The following TCERG1L variants were observed in gnomAD, a reference collection of about 807,000 sequenced individuals.
TCERG1L encodes the protein transcription elongation regulator 1-like protein.
Under a neutral mutation model 56.3 loss-of-function variants are expected in TCERG1L, and 37 were observed. The ratio of observed to expected loss-of-function variants is 0.66; its 90% CI spans 0.51 to 0.87. The LOEUF (loss-of-function observed/expected upper bound fraction) is 0.87, where lower values mean the gene tolerates loss of function less well. Ranked by LOEUF, TCERG1L falls within the 40% of genes least tolerant of loss-of-function variation. The pLI is 0.00. For missense variants in TCERG1L, 799 were observed against 774.2 expected, an observed-to-expected ratio of 1.03 and a Z score of -0.38; for synonymous variants, 324 against 326.3, an observed-to-expected ratio of 0.99 and a Z score of 0.08.
In TCERG1L at chr10:131,111,560, T is replaced by C. The variant is rs1454328903; in HGVS notation, c.1395+5239A>G. On this transcript the variant is annotated intron_variant, in intron 9 of 11. Transcript: ENST00000368642. ...TTAGAGGTGATTTTTCCTTCTGGCT[T>C]TTATGAGTGCAAACGTCCTAAGGAA... Among the ~76,000 whole-genome samples the C allele has an allele frequency of 2.4e-4, 35 of 142,950 alleles. 8 individuals carry two copies. In the East Asian group the frequency reaches 8.2e-3, roughly 34 times the overall value. The allele number at this position is 142,950 out of a possible 152,430, so 93.8% of individuals were successfully genotyped here.
At chr10:131,139,952 C>T (rs548915780) in intron 7 of TCERG1L, among the ~76,000 whole-genome samples, 2 of 152,202 alleles carry the variant, frequency 1.3e-5, no homozygotes, top group African/African-American at 4.8e-5. Context: ...AGTAAAAGTC[C>T]TGAGTCTCTG....
intron 4 of TCERG1L, among the ~76,000 whole-genome samples, chr10:131,245,535 G>A (rs1185229358): frequency 3.9e-5 from 6 of 152,118 alleles, no homozygotes; most frequent in Admixed American, 2.0e-4. Context: ...ACGAGGGGGC[G>A]GCTCTCCGGG....
At chr10:131,292,852 T>C (rs1846645538) in intron 3 of TCERG1L, among the ~76,000 whole-genome samples, 1 of 147,544 alleles carries the variant, frequency 6.8e-6, no homozygotes, top group Non-Finnish European at 1.5e-5. Flanking sequence ...AATTTATTTC[T>C]GGGATTTTTT....
intron 4 of TCERG1L, among the ~76,000 whole-genome samples, chr10:131,169,655 A>C (rs1846068133): frequency 6.6e-6 from 1 of 152,206 alleles, no homozygotes; most frequent in Non-Finnish European, 1.5e-5. Flanking sequence ...TCGTGCACGG[A>C]AAGCTGAGGT....
At chr10:131,218,612 G>A (rs1845699113) in intron 4 of TCERG1L, among the ~76,000 whole-genome samples, 1 of 152,210 alleles carries the variant, frequency 6.6e-6, no homozygotes, top group Non-Finnish European at 1.5e-5. Flanking sequence ...TCCTGCCTCA[G>A]CCTGCTGAGT....
At position 131,187,354 on chromosome 10, in the gene TCERG1L, C is replaced by T. The variant is rs572003987; in HGVS notation, c.857-20469G>A. On this transcript the variant is annotated intron_variant, in intron 4 of 11. Transcript: ENST00000368642. ...GAGACCAAGCTAATCCAAGGCCCAGCCATTGCAGAGAGCTGAGAAGTTTGC... is the reference window on the plus strand; with the variant it reads ...GAGACCAAGCTAATCCAAGGCCCAGTCATTGCAGAGAGCTGAGAAGTTTGC... Among the ~76,000 whole-genome samples the T allele has an allele frequency of 8.5e-5, 13 of 152,330 alleles. No individual in the cohort carries two copies. In the South Asian group the frequency reaches 1.2e-3, roughly 15 times the overall value.
At chr10:131,107,628 C>G (rs1157341000) in intron 9 of TCERG1L, among the ~76,000 whole-genome samples, 1 of 152,034 alleles carries the variant, frequency 6.6e-6, no homozygotes, top group Non-Finnish European at 1.5e-5. Context: ...ACGAGGAGTC[C>G]TATGAACTGC....
chr10:131,202,337 T>C (rs934096347), intron 4 of TCERG1L, among the ~76,000 whole-genome samples: 33 of 152,120 alleles, frequency 2.2e-4, no homozygotes, highest in African/African-American at 7.7e-4. Context: ...ATCCCAACAC[T>C]TTGGGAGGCC....
chr10:131,222,817 G>T (rs1375336132), intron 4 of TCERG1L, among the ~76,000 whole-genome samples: 2 of 152,172 alleles, frequency 1.3e-5, no homozygotes, highest in Non-Finnish European at 2.9e-5. Flanking sequence ...CGCTCTCTGG[G>T]GAGGGTCATG....
intron 4 of TCERG1L, among the ~76,000 whole-genome samples, chr10:131,252,258 G>A (rs1413578652): frequency 6.6e-6 from 1 of 152,190 alleles, no homozygotes; most frequent in Admixed American, 6.5e-5. Context: ...TGATTTCAAT[G>A]GGTGAGTCAC....
At position 131,092,604 on chromosome 10, in the gene TCERG1L, G is replaced by C. The variant is rs1235496931; in HGVS notation, c.*558C>G. ...GACGCCCCTCTGGGAGGAACGCGCGGCCACCCTTGGAAACCTGTAAGTGAT... is the reference window on the plus strand; with the variant it reads ...GACGCCCCTCTGGGAGGAACGCGCGCCCACCCTTGGAAACCTGTAAGTGAT... On this transcript the variant is annotated 3_prime_UTR_variant, in exon 12 of 12. Transcript: ENST00000368642. 3 of 152,544 alleles carry C rather than the reference G, an allele frequency of 2.0e-5. No homozygotes were observed. The highest frequency in any genetic ancestry group is 4.4e-5 in the Non-Finnish European group (3 of 68,066). The allele number at this position is 152,544 out of a possible 1,614,324, so 9.4% of individuals were successfully genotyped here.
chr10:131,136,649 C>T (rs1340382601), intron 7 of TCERG1L, among the ~76,000 whole-genome samples: 1 of 152,066 alleles, frequency 6.6e-6, no homozygotes, highest in Non-Finnish European at 1.5e-5. Flanking sequence ...GCACCCGCCA[C>T]CACACCAGGC....
At chr10:131,100,411 A>G (rs1845293797) in intron 10 of TCERG1L, among the ~76,000 whole-genome samples, 2 of 151,992 alleles carry the variant, frequency 1.3e-5, no homozygotes. Flanking sequence ...ATCTCATCAA[A>G]TGCTTCTCTC....
rs141406580 is a variant in TCERG1L, at chr10:131,146,566, C to A, written c.1129G>T (p.Gly377Ter). ...TCCTCAATGATCCTGTTGAGGTCTC[C>A]GCGGTCCTTCAGGTCCATGGGCTTC... The part of the protein sequence containing the change: ...WEKPMDLKDR[G>*]DLNRIIEDPP... Residue 377 changes from glycine (G) to a stop codon, truncating the protein, a stop_gained, in exon 7 of 12, where the codon GGA (glycine) becomes TGA (stop). Coordinates refer to ENST00000368642, the MANE Select transcript of TCERG1L (RefSeq NM_174937.4). LOFTEE classifies it high-confidence loss of function. 6.8e-6 allele frequency: 11 copies of A among 1,613,812 alleles called. No individual in the cohort carries two copies. Among genetic ancestry groups the A allele is most frequent in the African/African-American group, 4.0e-5 (3 of 74,914 alleles).
At chr10:131,144,827 A>T (rs970758842) in intron 7 of TCERG1L, among the ~76,000 whole-genome samples, 1 of 152,188 alleles carries the variant, frequency 6.6e-6, no homozygotes, top group East Asian at 1.9e-4. Context: ...GATTCTTGTT[A>T]AAAGAAGGAG....
chr10:131,296,391 ATTT>A (rs1846690476), intron 3 of TCERG1L, among the ~76,000 whole-genome samples: 1 of 151,926 alleles, frequency 6.6e-6, no homozygotes, highest in Admixed American at 6.6e-5. Flanking sequence ...TTCTTTATTG[ATTT>A]TTCTTTGTAC....
At chr10:131,215,524 C>G (rs931748749) in intron 4 of TCERG1L, among the ~76,000 whole-genome samples, 1 of 152,194 alleles carries the variant, frequency 6.6e-6, no homozygotes, top group Non-Finnish European at 1.5e-5. Context: ...CCCGAGGAAA[C>G]TCGGAGACCT....
intron 9 of TCERG1L, among the ~76,000 whole-genome samples, chr10:131,110,160 C>T (rs1368611714): frequency 6.6e-6 from 1 of 152,214 alleles, no homozygotes. Flanking sequence ...TTTCAACATC[C>T]TCTCAGTGAC....
chr10:131,117,421 A>G (rs1169591282), intron 8 of TCERG1L, among the ~76,000 whole-genome samples: 1 of 152,242 alleles, frequency 6.6e-6, no homozygotes, highest in African/African-American at 2.4e-5. Context: ...TTATGTGCAG[A>G]ACCATCTATG....
Sources: gnomAD v4.1 joint callset for allele counts (sites outside exome capture counted in the v4.1 genomes callset) on GRCh38, gnomAD v4.1.1 for gene constraint, MANE v1.5 for transcripts, NCBI Gene and HGNC (gene_info 2026-07-23, HGNC 2026-07-21) for gene names.